Variants in ZNF804A observed in about 807,000 individuals in gnomAD.
ZNF804A encodes the protein zinc finger protein 804A.
In ZNF804A, 2 loss-of-function variants were observed where a neutral mutation model predicts 16.5. The ratio of observed to expected loss-of-function variants is 0.12; its 90% confidence interval spans 0.05 to 0.38. The LOEUF (loss-of-function observed/expected upper bound fraction) is 0.38. Among genes scored for constraint, ZNF804A ranks in the 10% least tolerant of loss-of-function variants. ZNF804A has a pLI of 0.99. For missense variants in ZNF804A, 1,473 were observed against 1,390.7 expected (o/e 1.06, Z -0.94); for synonymous variants, 534 against 489.6 (o/e 1.09, Z -1.20).
chr2:184,826,907 A>C (rs1034941377), intron 1 of ZNF804A, among the ~76,000 whole-genome samples: 2 of 151,966 alleles, frequency 1.3e-5, no homozygotes, highest in African/African-American at 4.8e-5. Flanking sequence ...ATTTATGGAG[A>C]CCATTTTCTT....
chr2:184,669,839 G>T (rs1198953477), intron 1 of ZNF804A, among the ~76,000 whole-genome samples: 1 of 151,732 alleles, frequency 6.6e-6, no homozygotes, highest in African/African-American at 2.4e-5. Flanking sequence ...ATAATAATTT[G>T]TGTTATTTTT....
At chr2:184,837,422 A>C (rs1252566610) in intron 1 of ZNF804A, among the ~76,000 whole-genome samples, 5 of 152,110 alleles carry the variant, frequency 3.3e-5, no homozygotes, top group African/African-American at 4.8e-5. Flanking sequence ...CTTTAGCAAG[A>C]GTATGGATAA....
At chr2:184,849,882 G>T (rs1695575604) in intron 1 of ZNF804A, among the ~76,000 whole-genome samples, 1 of 152,012 alleles carries the variant, frequency 6.6e-6, no homozygotes, top group Non-Finnish European at 1.5e-5. Context: ...ATATTTTTCA[G>T]CCATAAAAGG....
At chr2:184,932,825 C>T (rs530080723) in intron 2 of ZNF804A, among the ~76,000 whole-genome samples, 1 of 152,084 alleles carries the variant, frequency 6.6e-6, no homozygotes, top group Non-Finnish European at 1.5e-5. Context: ...CAATTATGTT[C>T]GAGTTGGCAT....
chr2:184,902,877 A>G (rs1169761059), intron 2 of ZNF804A, among the ~76,000 whole-genome samples: 6 of 152,218 alleles, frequency 3.9e-5, no homozygotes, highest in Non-Finnish European at 5.9e-5. Flanking sequence ...ACTTTGCCTA[A>G]GATACTGCCT....
chr2:184,691,657 A>G (rs1692731231), intron 1 of ZNF804A, among the ~76,000 whole-genome samples: 1 of 151,802 alleles, frequency 6.6e-6, no homozygotes, highest in Admixed American at 6.6e-5. Flanking sequence ...TTCATTTTTA[A>G]CCTGATGATG....
intron 1 of ZNF804A, among the ~76,000 whole-genome samples, chr2:184,661,818 A>G (rs1692180291): frequency 6.6e-6 from 1 of 152,322 alleles, no homozygotes; most frequent in Non-Finnish European, 1.5e-5. Context: ...TCAAGATGAT[A>G]TAAGTTATTA....
chr2:184,895,036 GA>G (rs1472390416), intron 2 of ZNF804A, among the ~76,000 whole-genome samples: 1 of 152,076 alleles, frequency 6.6e-6, no homozygotes, highest in Non-Finnish European at 1.5e-5. Context: ...GCCTTCAAAT[GA>G]AGTACTTTAC....
chr2:184,914,758 A>G (rs1685419200), intron 2 of ZNF804A, among the ~76,000 whole-genome samples: 1 of 152,030 alleles, frequency 6.6e-6, no homozygotes, highest in Non-Finnish European at 1.5e-5. Flanking sequence ...TTACACGTAT[A>G]TAGCATAATA....
At chr2:184,835,424 T>C (rs772551963) in intron 1 of ZNF804A, among the ~76,000 whole-genome samples, 2 of 151,994 alleles carry the variant, frequency 1.3e-5, no homozygotes, top group Non-Finnish European at 2.9e-5. Flanking sequence ...TATCCAGTGG[T>C]TGGAAAGGGG....
chr2:184,737,468 C>T (rs1267183481), intron 1 of ZNF804A, among the ~76,000 whole-genome samples: 4 of 152,040 alleles, frequency 2.6e-5, no homozygotes, highest in Non-Finnish European at 4.4e-5. Context: ...TTCTGTAATA[C>T]AATTTAATGA....
chr2:184,753,135 A>G (rs905608601), intron 1 of ZNF804A, among the ~76,000 whole-genome samples: 2 of 151,692 alleles, frequency 1.3e-5, no homozygotes, highest in Admixed American at 1.3e-4. Flanking sequence ...CCTGATGCTG[A>G]CATAATGATT....
chr2:184,693,681 T>C (rs920605573), intron 1 of ZNF804A, among the ~76,000 whole-genome samples: 7 of 152,190 alleles, frequency 4.6e-5, no homozygotes, highest in African/African-American at 1.7e-4. Flanking sequence ...AGTTCCTATA[T>C]GTGCCTATGC....
intron 1 of ZNF804A, among the ~76,000 whole-genome samples, chr2:184,767,225 G>A (rs1694142116): frequency 1.3e-5 from 2 of 152,136 alleles, no homozygotes; most frequent in Non-Finnish European, 2.9e-5. Flanking sequence ...TGAGCAGATA[G>A]ACATAATGGA....
chr2:184,837,646 A>C (rs924769922), intron 1 of ZNF804A, among the ~76,000 whole-genome samples: 10 of 152,164 alleles, frequency 6.6e-5, no homozygotes, highest in African/African-American at 2.4e-4. Context: ...AAAAGGTATA[A>C]ATTTGAAAAA....
At chr2:184,658,926 G>A (rs929030307) in intron 1 of ZNF804A, among the ~76,000 whole-genome samples, 2 of 152,132 alleles carry the variant, frequency 1.3e-5, no homozygotes, top group African/African-American at 2.4e-5. Context: ...AGCTATATAT[G>A]ACCTTTTCTT....
intron 1 of ZNF804A, among the ~76,000 whole-genome samples, chr2:184,772,957 A>G (rs12693388): frequency 0.8 from 115,377 of 144,024 alleles, 46,337 homozygotes; most frequent in East Asian, 0.86. Context: ...ACATATATAC[A>G]TATACATATA....
chr2:184,800,450 G>T (rs186422596), intron 1 of ZNF804A, among the ~76,000 whole-genome samples: 10 of 151,456 alleles, frequency 6.6e-5, no homozygotes, highest in African/African-American at 2.4e-4. Context: ...TCAAAGAACT[G>T]CTTTAGTCAT....
chr2:184,937,501 G>T lies in ZNF804A; in HGVS notation c.2105G>T (p.Gly702Val). 6.2e-7 allele frequency: 1 copy of T among 1,612,262 alleles called. No individual in the cohort carries two copies. The highest frequency in any genetic ancestry group is 1.1e-5 in the South Asian group (1 of 90,900). Residue 702 changes from glycine to valine, a missense_variant, in exon 4 of 4, where the codon GGA (glycine) becomes GTA (valine). By Grantham distance (109) the Gly-to-Val change is moderately radical. Transcript: ENST00000302277. ...HCKKNTILLN[G>V]QSNATMIHSG... ...AAAAAGAACACAATACTTTTAAATG[G>T]ACAATCAAATGCAACAATGATACAT...
Sources: allele counts gnomAD v4.1 joint callset (sites outside exome capture counted in the v4.1 genomes callset), GRCh38; gene constraint gnomAD v4.1.1; transcripts MANE v1.5; gene names NCBI Gene and HGNC (gene_info 2026-07-23, HGNC 2026-07-21).